The following PTGFRN variants were observed in gnomAD, a reference collection of about 807,000 sequenced individuals.
PTGFRN encodes prostaglandin F2 receptor inhibitor, also known as prostaglandin F2 receptor negative regulator.
PTGFRN carries 35 observed loss-of-function variants against 83.2 expected under a neutral mutation model. That is an observed-to-expected ratio of 0.42 (90% CI 0.32 to 0.56). The LOEUF is 0.56. PTGFRN is among the 20% of genes least tolerant of loss of function. PTGFRN has a pLI of 0.11. For missense variants in PTGFRN, 1,051 were observed against 1,179.5 expected, an observed-to-expected ratio of 0.89 and a Z score of 1.60; for synonymous variants, 519 against 498.6, an observed-to-expected ratio of 1.04 and a Z score of -0.55.
At chr1:116,917,906 C>T (rs961484541) in intron 1 of PTGFRN, among the ~76,000 whole-genome samples, 2 of 152,166 alleles carry the variant, frequency 1.3e-5, no homozygotes, top group Admixed American at 6.5e-5. Context: ...CCACTGCGCC[C>T]GGCCTGTATG....
intron 7 of PTGFRN, 70 bp from the exon 8 acceptor site, chr1:116,984,610 A>G (rs902136390): frequency 2.0e-6 from 3 of 1,484,060 alleles, no homozygotes; most frequent in East Asian, 2.3e-5. Context: ...GGCCTCATAC[A>G]TGGATGTGGC....
intron 7 of PTGFRN, among the ~76,000 whole-genome samples, chr1:116,975,226 G>T (rs1467296115): frequency 6.6e-6 from 1 of 152,236 alleles, no homozygotes; most frequent in Non-Finnish European, 1.5e-5. Context: ...GAGCTGCAGG[G>T]AAGCTCGAAC....
chr1:116,982,869 G>T (rs111797758), intron 7 of PTGFRN, among the ~76,000 whole-genome samples: 18 of 152,268 alleles, frequency 1.2e-4, no homozygotes, highest in South Asian at 6.2e-4. Context: ...GCCTCTGGAG[G>T]GGGGAGGGTA....
intron 1 of PTGFRN, among the ~76,000 whole-genome samples, chr1:116,937,673 C>G (rs1053166391): frequency 2.0e-5 from 3 of 152,152 alleles, no homozygotes; most frequent in Non-Finnish European, 4.4e-5. Flanking sequence ...TACAAGGATG[C>G]AGTCTCATGC....
At chr1:116,928,334 A>G (rs922078021) in intron 1 of PTGFRN, among the ~76,000 whole-genome samples, 2 of 152,036 alleles carry the variant, frequency 1.3e-5, no homozygotes, top group Non-Finnish European at 2.9e-5. Flanking sequence ...TGTTGAACCT[A>G]TTCTTCATCC....
At chr1:116,975,953 G>A (rs1348735401) in intron 7 of PTGFRN, among the ~76,000 whole-genome samples, 2 of 152,160 alleles carry the variant, frequency 1.3e-5, no homozygotes, top group Non-Finnish European at 2.9e-5. Flanking sequence ...CGAATCCATC[G>A]CAAAGAAGCT....
intron 8 of PTGFRN, among the ~76,000 whole-genome samples, chr1:116,985,355 G>T (rs1460168029): frequency 6.6e-6 from 1 of 152,138 alleles, no homozygotes; most frequent in African/African-American, 2.4e-5. Context: ...AATAGGGGAG[G>T]CTATAGCTTA....
chr1:116,921,491 G>A (rs1243017601), intron 1 of PTGFRN, among the ~76,000 whole-genome samples: 1 of 152,232 alleles, frequency 6.6e-6, no homozygotes, highest in East Asian at 1.9e-4. Context: ...AGACCATAGT[G>A]TGTAACTCAC....
intron 1 of PTGFRN, among the ~76,000 whole-genome samples, chr1:116,934,312 A>T (rs562530887): frequency 6.6e-6 from 1 of 151,048 alleles, no homozygotes; most frequent in East Asian, 1.9e-4. Context: ...TGCCTGGCTA[A>T]TTTTTTCTGT....
chr1:116,930,353 G>GT (rs1200104357), intron 1 of PTGFRN, among the ~76,000 whole-genome samples: 1 of 152,082 alleles, frequency 6.6e-6, no homozygotes, highest in Non-Finnish European at 1.5e-5. Context: ...CTTTGCTGTG[G>GT]TTTTGTCCCA....
In PTGFRN at chr1:116,910,027, G is replaced by A. The variant is rs1423088699; in HGVS notation, c.-177G>A. 1.4e-6 allele frequency: 1 copy of A among 729,386 alleles called. No homozygotes were observed. Among genetic ancestry groups the A allele is most frequent in the African/African-American group, 1.8e-5 (1 of 54,218 alleles). 45.2% of individuals were successfully genotyped at this position (729,386 alleles called of 1,614,324 possible). ...AAGGAGGCGGGAGGGAGCGAGCGGA[G>A]CCAGGGGCGCACGTACGCCCCAGCG... On this transcript the variant is annotated 5_prime_UTR_variant, in exon 1 of 9. Coordinates refer to ENST00000393203, the MANE Select transcript of PTGFRN (RefSeq NM_020440.4).
rs1171564821 is a variant in PTGFRN at position 116,927,525 on chromosome 1, C to CTTTTTTTTTTTTTTTT, written c.50-14186_50-14171dup. ...CTGTATGTCTTTCTGCCTTGCTTAC[C>CTTTTTTTTTTTTTTTT]TTTTTTTTTTTTTTTTTTTGATACA... On this transcript the variant is annotated intron_variant, in intron 1 of 8. Coordinates refer to ENST00000393203, the MANE Select transcript of PTGFRN (RefSeq NM_020440.4). 2.1e-4 allele frequency among the ~76,000 whole-genome samples: 26 copies of CTTTTTTTTTTTTTTTT among 124,390 alleles called. 1 individual carries two copies. The highest frequency in any genetic ancestry group is 9.6e-4 in the African/African-American group (25 of 25,994). The allele number at this position is 124,390 out of a possible 152,430, so 81.6% of individuals were successfully genotyped here.
At position 116,961,803 on chromosome 1, in the gene PTGFRN, C is replaced by A. The variant is rs758594901; in HGVS notation, c.1639+135C>A. ...TGTGTCCTGGACATTGATCGCCATG[C>A]GACCCGTTGCACATGCTCTTTGGAC... is the stretch of plus-strand genomic sequence containing the variant. On this transcript the variant is annotated intron_variant, in intron 5 of 8. Coordinates refer to ENST00000393203, the MANE Select transcript of PTGFRN (RefSeq NM_020440.4). The surrounding 1 kb of genome is among the most constrained non-coding windows in gnomAD (Gnocchi z 5.4). 5 of 873,916 alleles carry A rather than the reference C, an allele frequency of 5.7e-6. No individual in the cohort carries two copies. The highest frequency in any genetic ancestry group is 3.7e-5 in the South Asian group (2 of 54,256). The allele number at this position is 873,916 out of a possible 1,614,324, so 54.1% of individuals were successfully genotyped here.
Position 116,941,365 on chromosome 1 carries a change from C to T in PTGFRN, c.50-350C>T, listed in dbSNP as rs1650053691. 6.6e-6 allele frequency among the ~76,000 whole-genome samples: 1 copy of T among 152,120 alleles called. No homozygotes were observed. The highest frequency in any genetic ancestry group is 2.4e-5 in the African/African-American group (1 of 41,420). ...CTTGACTGGCTGTGCCCTTTTATTT[C>T]ACACAAAACCTAAAATATTTTTACA... On this transcript the variant is annotated intron_variant, in intron 1 of 8. Coordinates refer to ENST00000393203, the MANE Select transcript of PTGFRN (RefSeq NM_020440.4). The surrounding 1 kb of genome is among the most constrained non-coding windows in gnomAD (Gnocchi z 5.0).
At chr1:116,954,609 T>C (rs1420142371) in intron 4 of PTGFRN, among the ~76,000 whole-genome samples, 2 of 152,210 alleles carry the variant, frequency 1.3e-5, no homozygotes, top group Non-Finnish European at 2.9e-5. Flanking sequence ...CTTCAGCTGT[T>C]GTCATCACTC....
rs141944865 is a variant in PTGFRN, at chr1:116,974,901, G to A, written c.2167+578G>A. ...TGCAGGACAGTAGGTACAGCCCACC[G>A]AGCGTGAGCCGAAGCAGGGCAAGGC... On this transcript the variant is annotated intron_variant, in intron 7 of 8. Transcript: ENST00000393203. 7.2e-3 allele frequency among the ~76,000 whole-genome samples: 1,097 copies of A among 152,284 alleles called. 8 individuals carry two copies. The highest frequency in any genetic ancestry group is 0.011 in the South Asian group (53 of 4,824).
chr1:116,953,465 G>A (rs938114164), intron 4 of PTGFRN, among the ~76,000 whole-genome samples: 3 of 151,936 alleles, frequency 2.0e-5, no homozygotes, highest in African/African-American at 7.3e-5. Flanking sequence ...TGTTGCCTCG[G>A]GTGTGTCGAT....
intron 5 of PTGFRN, among the ~76,000 whole-genome samples, chr1:116,965,991 C>A (rs1344899805): frequency 6.6e-6 from 1 of 152,288 alleles, no homozygotes; most frequent in Middle Eastern, 3.4e-3. Flanking sequence ...TTCTGCTAAT[C>A]GGTTTGGTGG....
Position 116,967,131 on chromosome 1 carries a change from A to G in PTGFRN, c.1860A>G (p.Thr620=). 6.2e-7 allele frequency: 1 copy of G among 1,614,232 alleles called. No individual in the cohort carries two copies. The highest frequency in any genetic ancestry group is 1.1e-5 in the South Asian group (1 of 91,080). The change falls in exon 6 of 9, where the codon ACA becomes ACG. Residue 620 remains threonine (T), a synonymous_variant. Coordinates refer to ENST00000393203, the MANE Select transcript of PTGFRN (RefSeq NM_020440.4). ...CTGTGGTGAAGCTGGAGAATTGGAC[A>G]GATGCATCACGGGTGGATGGCGTTG... ...QDSVVKLENW[T]DASRVDGVVL... is the part of the protein sequence containing the mutation.
Sources: allele counts gnomAD v4.1 joint callset (sites outside exome capture counted in the v4.1 genomes callset), GRCh38; gene constraint gnomAD v4.1.1; non-coding constraint Gnocchi (gnomAD v3.1); transcripts MANE v1.5; gene names NCBI Gene and HGNC (gene_info 2026-07-23, HGNC 2026-07-21).